TAFA2: variants seen among roughly 807,000 people sequenced by gnomAD.
TAFA2 encodes TAFA chemokine like family member 2.
In TAFA2, 7 loss-of-function variants were observed where a neutral mutation model predicts 18.8. The ratio of observed to expected loss-of-function variants is 0.37; its 90% CI spans 0.21 to 0.70. TAFA2 has a LOEUF of 0.70. TAFA2 is among the 30% of genes least tolerant of loss of function. TAFA2 has a pLI of 0.53. For missense variants in TAFA2, 122 were observed against 158.1 expected, an observed-to-expected ratio of 0.77 and a Z score of 1.23; for synonymous variants, 60 against 54.2, an observed-to-expected ratio of 1.11 and a Z score of -0.47.
chr12:62,193,416 T>TTA (rs1351688365), upstream of TAFA2, among the ~76,000 whole-genome samples: 1 of 152,176 alleles, frequency 6.6e-6, no homozygotes, highest in Non-Finnish European at 1.5e-5. Context: ...GTCTGTGCTT[T>TTA]TATATAGCTG....
At chr12:62,127,645 A>G (rs898915611) in intron 1 of TAFA2, among the ~76,000 whole-genome samples, 9 of 151,968 alleles carry the variant, frequency 5.9e-5, no homozygotes, top group Non-Finnish European at 8.8e-5. Flanking sequence ...GAGACCATGA[A>G]GGTCTTAAAC....
chr12:61,762,030 C>G (rs143484716), intron 2 of TAFA2, among the ~76,000 whole-genome samples: 64 of 152,164 alleles, frequency 4.2e-4, no homozygotes, highest in Middle Eastern at 3.4e-3. Flanking sequence ...GTCTCACTCC[C>G]CCTTTGCCTA....
At chr12:61,756,312 T>G (rs1177191156) in intron 2 of TAFA2, among the ~76,000 whole-genome samples, 1 of 152,102 alleles carries the variant, frequency 6.6e-6, no homozygotes, top group Admixed American at 6.6e-5. Flanking sequence ...ATTGGAATGT[T>G]TTCTGTGTTT....
At chr12:61,770,786 C>T (rs566324561) in intron 2 of TAFA2, among the ~76,000 whole-genome samples, 63 of 152,096 alleles carry the variant, frequency 4.1e-4, no homozygotes, top group African/African-American at 1.4e-3. Context: ...ATAGAATCTC[C>T]TTAAAGCATA....
intron 1 of TAFA2, among the ~76,000 whole-genome samples, chr12:61,932,275 A>G (rs1877587920): frequency 6.6e-6 from 1 of 152,232 alleles, no homozygotes; most frequent in African/African-American, 2.4e-5. Flanking sequence ...AGGTGAGATG[A>G]TGCACATTCC....
intron 4 of TAFA2, among the ~76,000 whole-genome samples, chr12:61,728,802 A>AT (rs56095133): frequency 0.29 from 44,475 of 150,788 alleles, 7,262 homozygotes; most frequent in South Asian, 0.38. Flanking sequence ...CAATACCTTG[A>AT]TTTTTTTTTC....
intron 1 of TAFA2, among the ~76,000 whole-genome samples, chr12:62,245,069 C>G (rs1374201937): frequency 6.6e-6 from 1 of 151,926 alleles, no homozygotes; most frequent in Non-Finnish European, 1.5e-5. Flanking sequence ...TATTTTATAT[C>G]TCATAAAATA....
chr12:62,091,726 C>T (rs1868723427), intron 1 of TAFA2, among the ~76,000 whole-genome samples: 1 of 151,966 alleles, frequency 6.6e-6, no homozygotes, highest in Admixed American at 6.6e-5. Context: ...TGATCCCAGA[C>T]CCACGATAGT....
intron 1 of TAFA2, among the ~76,000 whole-genome samples, chr12:61,969,946 T>G (rs558811943): frequency 6.6e-6 from 1 of 151,574 alleles, no homozygotes; most frequent in Non-Finnish European, 1.5e-5. Flanking sequence ...CAAGTGAAGC[T>G]ACATAGTCAG....
At chr12:62,015,806 T>G (rs1328880604) in intron 1 of TAFA2, among the ~76,000 whole-genome samples, 1 of 152,160 alleles carries the variant, frequency 6.6e-6, no homozygotes, top group South Asian at 2.1e-4. Context: ...TTTAAACAAG[T>G]AAATCATGGA....
intron 1 of TAFA2, among the ~76,000 whole-genome samples, chr12:62,093,554 G>A (rs1346049373): frequency 6.6e-6 from 1 of 152,018 alleles, no homozygotes; most frequent in Non-Finnish European, 1.5e-5. Flanking sequence ...GGGGAAGTCT[G>A]TAAATTTTAG....
intron 1 of TAFA2, among the ~76,000 whole-genome samples, chr12:62,114,323 A>G (rs1333371914): frequency 6.6e-6 from 1 of 152,132 alleles, no homozygotes; most frequent in Non-Finnish European, 1.5e-5. Context: ...GGCTGCACCC[A>G]CTGTCTAACC....
At chr12:61,883,334 A>T (rs760168962) in intron 1 of TAFA2, among the ~76,000 whole-genome samples, 5 of 152,238 alleles carry the variant, frequency 3.3e-5, no homozygotes, top group Non-Finnish European at 7.3e-5. Context: ...TATTTACTAC[A>T]CATGTGTCAT....
At chr12:61,754,586 C>G (rs997432160) in intron 3 of TAFA2, among the ~76,000 whole-genome samples, 1 of 151,148 alleles carries the variant, frequency 6.6e-6, no homozygotes, top group Non-Finnish European at 1.5e-5. Flanking sequence ...CCACCTCCCA[C>G]CATCCACCGA....
chr12:61,894,459 A>G (rs563305033), intron 1 of TAFA2, among the ~76,000 whole-genome samples: 2 of 152,360 alleles, frequency 1.3e-5, no homozygotes, highest in South Asian at 2.1e-4. Flanking sequence ...TCACTAATAC[A>G]GTTATAAATG....
intron 4 of TAFA2, among the ~76,000 whole-genome samples, chr12:61,752,880 T>C (rs1196047219): frequency 6.6e-6 from 1 of 152,064 alleles, no homozygotes; most frequent in Admixed American, 6.6e-5. Flanking sequence ...ATTTATAGTA[T>C]GCTTTTCCTA....
chr12:61,983,087 A>G (rs1879693906), intron 1 of TAFA2, among the ~76,000 whole-genome samples: 1 of 152,168 alleles, frequency 6.6e-6, no homozygotes, highest in Non-Finnish European at 1.5e-5. Context: ...AAAACATGCT[A>G]TGGTTTAAAA....
intron 1 of TAFA2, among the ~76,000 whole-genome samples, chr12:61,910,076 G>C (rs1459221390): frequency 1.4e-5 from 2 of 142,276 alleles, no homozygotes; most frequent in Non-Finnish European, 3.0e-5. Flanking sequence ...AAGATGGTGT[G>C]CGTGCTTGTG....
intron 2 of TAFA2, among the ~76,000 whole-genome samples, chr12:61,840,101 A>G (rs1025050757): frequency 6.6e-6 from 1 of 152,048 alleles, no homozygotes; most frequent in Non-Finnish European, 1.5e-5. Context: ...ATACGGTTGG[A>G]GCAGTAGGTC....
Sources: gnomAD v4.1 joint callset for allele counts (sites outside exome capture counted in the v4.1 genomes callset) on GRCh38, gnomAD v4.1.1 for gene constraint, MANE v1.5 for transcripts, NCBI Gene and HGNC (gene_info 2026-07-23, HGNC 2026-07-21) for gene names.